The following ZEB1 variants were observed in gnomAD, a reference collection of about 807,000 sequenced individuals.
ZEB1 encodes the protein zinc finger E-box binding homeobox 1, also known as zinc finger E-box-binding homeobox 1.
Under a neutral mutation model 84.9 loss-of-function variants are expected in ZEB1, and 21 were observed. The observed-to-expected ratio is 0.25, with a 90% CI of 0.18 to 0.36. The LOEUF is 0.36. ZEB1 is among the 10% of genes least tolerant of loss of function. The probability of loss-of-function intolerance (pLI) is 1.00; values close to 1 mark genes in which losing one functional copy is unlikely to be tolerated. For missense variants in ZEB1, 1,104 were observed against 1,330.2 expected (o/e 0.83, Z 2.65); for synonymous variants, 420 against 471.1 (o/e 0.89, Z 1.41).
At chr10:31,436,146 G>A (rs1032292613) in intron 1 of ZEB1, among the ~76,000 whole-genome samples, 4 of 152,126 alleles carry the variant, frequency 2.6e-5, no homozygotes, top group African/African-American at 9.7e-5. Flanking sequence ...GCCATGTATG[G>A]GAGTTTGGAA....
At chr10:31,489,532 T>C (rs1012160432) in intron 2 of ZEB1, among the ~76,000 whole-genome samples, 6 of 151,398 alleles carry the variant, frequency 4.0e-5, no homozygotes, top group Non-Finnish European at 4.4e-5. Context: ...TGTTTTTCTC[T>C]CTGTATTTTC....
chr10:31,319,370 G>T (rs1313285846), intron 1 of ZEB1, 78 bp downstream of exon 1: 24 of 1,463,120 alleles, frequency 1.6e-5, no homozygotes, highest in Non-Finnish European at 2.2e-5. Context: ...GGTGAGGGGG[G>T]CGAGCCGGGC....
At chr10:31,515,371 G>T (rs542541299) in intron 6 of ZEB1, among the ~76,000 whole-genome samples, 6 of 151,944 alleles carry the variant, frequency 3.9e-5, no homozygotes, top group Non-Finnish European at 7.4e-5. Flanking sequence ...GAACAAAAGC[G>T]CAAAAGGAAA....
Position 31,441,000 on chromosome 10 carries a change from C to G in ZEB1, c.59-20037C>G, listed in dbSNP as rs1306798953. ...TACTGCCCAAGGTAATTTATAGATT[C>G]AATGCCATCCCCATCAAGCTACCAA... On this transcript the variant is annotated intron_variant, in intron 1 of 8. Coordinates refer to ENST00000424869, the MANE Select transcript of ZEB1 (RefSeq NM_001174096.2). Among the ~76,000 whole-genome samples the G allele has an allele frequency of 2.6e-5, 4 of 152,094 alleles. No homozygotes were observed. In the East Asian group the frequency reaches 5.8e-4, roughly 22 times the overall value.
intron 2 of ZEB1, among the ~76,000 whole-genome samples, chr10:31,472,266 T>A (rs2063374850): frequency 1.3e-5 from 2 of 151,750 alleles, no homozygotes; most frequent in African/African-American, 2.4e-5. Context: ...AATTAATTAA[T>A]CCCAGAGCTG....
At chr10:31,382,268 C>T (rs1429180541) in intron 1 of ZEB1, among the ~76,000 whole-genome samples, 1 of 152,004 alleles carries the variant, frequency 6.6e-6, no homozygotes, top group East Asian at 1.9e-4. Context: ...AGGTGATAGA[C>T]CAGCAAATGA....
intron 4 of ZEB1, among the ~76,000 whole-genome samples, chr10:31,505,807 G>T (rs1293388808): frequency 6.6e-6 from 1 of 151,548 alleles, no homozygotes; most frequent in East Asian, 1.9e-4. Context: ...GGTTTGCTTT[G>T]TTCTTGCTTT....
chr10:31,506,204 G>A (rs971184434), intron 4 of ZEB1, among the ~76,000 whole-genome samples: 3 of 151,994 alleles, frequency 2.0e-5, no homozygotes, highest in Admixed American at 6.6e-5. Flanking sequence ...CTATCCTAGA[G>A]TATGTTCTGT....
At chr10:31,517,438 C>A (rs2071362870) in intron 6 of ZEB1, among the ~76,000 whole-genome samples, 1 of 151,138 alleles carries the variant, frequency 6.6e-6, no homozygotes. Flanking sequence ...TTTCCATGGT[C>A]TTAGTAATTT....
chr10:31,413,462 T>C (rs933940008), intron 1 of ZEB1, among the ~76,000 whole-genome samples: 2 of 152,194 alleles, frequency 1.3e-5, no homozygotes, highest in African/African-American at 4.8e-5. Flanking sequence ...GAATGTGTCA[T>C]TGCAGATAGA....
chr10:31,335,594 A>G (rs1237791311), intron 1 of ZEB1, among the ~76,000 whole-genome samples: 1 of 152,216 alleles, frequency 6.6e-6, no homozygotes. Context: ...GCAAGTCAGT[A>G]AATGAGAAGG....
In ZEB1 at chr10:31,462,110, T is replaced by C. The variant is rs974994595; in HGVS notation, c.259+873T>C. The stretch of plus-strand genomic sequence containing the variant: ...TCAAAGAGGTCGTCTAGACAAGATA[T>C]CAAAACTAAAATCTGGAAAAGTGGG... On this transcript the variant is annotated intron_variant, in intron 2 of 8. Coordinates refer to ENST00000424869, the MANE Select transcript of ZEB1 (RefSeq NM_001174096.2). Among the ~76,000 whole-genome samples, 4 of 152,192 alleles carry C rather than the reference T, an allele frequency of 2.6e-5. No homozygotes were observed. The East Asian group carries it at 5.8e-4, about 22-fold the overall frequency.
At chr10:31,391,332 TC>T (rs2135236985) in intron 1 of ZEB1, among the ~76,000 whole-genome samples, 1 of 148,676 alleles carries the variant, frequency 6.7e-6, no homozygotes, top group East Asian at 2.1e-4. Flanking sequence ...ATATTGCCCC[TC>T]CCCCAAAACA....
chr10:31,319,184 G>A, upstream of ZEB1: 1 of 1,285,012 alleles, frequency 7.8e-7, no homozygotes, highest in Non-Finnish European at 1.1e-6. Flanking sequence ...GGGGGAAGGG[G>A]GAGGGAGGGG....
intron 2 of ZEB1, among the ~76,000 whole-genome samples, chr10:31,467,336 C>T (rs1427095973): frequency 6.6e-6 from 1 of 152,194 alleles, no homozygotes; most frequent in Non-Finnish European, 1.5e-5. Context: ...GGGCACCCAC[C>T]CCCGAGTGCC....
At chr10:31,384,144 T>A (rs2048218698) in intron 1 of ZEB1, among the ~76,000 whole-genome samples, 1 of 151,814 alleles carries the variant, frequency 6.6e-6, no homozygotes, top group African/African-American at 2.4e-5. Context: ...CCTGACTAAT[T>A]TTTGTACTTT....
At chr10:31,413,450 G>C (rs968889672) in intron 1 of ZEB1, among the ~76,000 whole-genome samples, 4 of 152,144 alleles carry the variant, frequency 2.6e-5, no homozygotes, top group Non-Finnish European at 4.4e-5. Context: ...GAAAAAGGAA[G>C]GGAATGTGTC....
At chr10:31,438,982 T>C (rs763453621) in intron 1 of ZEB1, among the ~76,000 whole-genome samples, 11 of 152,230 alleles carry the variant, frequency 7.2e-5, no homozygotes, top group Non-Finnish European at 1.3e-4. Context: ...CTGAAAATTA[T>C]TTGGCTTTTT....
intron 1 of ZEB1, among the ~76,000 whole-genome samples, chr10:31,436,651 G>T (rs949062897): frequency 1.3e-5 from 2 of 152,136 alleles, no homozygotes; most frequent in African/African-American, 4.8e-5. Flanking sequence ...TGCATATAAA[G>T]CACTGAATAT....
Sources: gnomAD v4.1 joint callset for allele counts (sites outside exome capture counted in the v4.1 genomes callset) on GRCh38, gnomAD v4.1.1 for gene constraint, MANE v1.5 for transcripts, NCBI Gene and HGNC (gene_info 2026-07-23, HGNC 2026-07-21) for gene names.